HNRNPD: variants seen among roughly 807,000 people sequenced by gnomAD.
The protein encoded by HNRNPD is heterogeneous nuclear ribonucleoprotein D0.
A neutral mutation model predicts 47.9 loss-of-function variants in HNRNPD; 3 were observed. That is an observed-to-expected ratio of 0.06 (90% confidence interval 0.03 to 0.16). The LOEUF (loss-of-function observed/expected upper bound fraction) is 0.16, where lower values mean the gene tolerates loss of function less well. Among genes scored for constraint, HNRNPD ranks in the 10% least tolerant of loss-of-function variants. The pLI is 1.00. For missense variants in HNRNPD, 287 were observed against 454.2 expected (o/e 0.63, Z 3.35); for synonymous variants, 171 against 165.1 (o/e 1.04, Z -0.28).
intron 2 of HNRNPD, among the ~76,000 whole-genome samples, chr4:82,367,602 G>A (rs944133044): frequency 1.3e-5 from 2 of 152,162 alleles, no homozygotes; most frequent in African/African-American, 4.8e-5. Context: ...CTTCCTGGCT[G>A]TGTGGGCTCT....
intron 2 of HNRNPD, among the ~76,000 whole-genome samples, chr4:82,370,979 T>TACAC (rs72155104): frequency 0.085 from 6,665 of 78,186 alleles, 357 homozygotes; most frequent in African/African-American, 0.18. Context: ...ATGGTATATA[T>TACAC]ATACACACAC....
At chr4:82,373,292 G>A in intron 1 of HNRNPD, 154 bp downstream of exon 1, 3 of 1,022,754 alleles carry the variant, frequency 2.9e-6, no homozygotes, top group Admixed American at 2.5e-5. Flanking sequence ...GAAGGTCCGG[G>A]GAACCCAACA....
In HNRNPD at chr4:82,365,809, C is replaced by T. The variant is rs143787702; in HGVS notation, c.290+5719G>A. On this transcript the variant is annotated intron_variant, in intron 2 of 8. Coordinates refer to ENST00000313899, the MANE Select transcript of HNRNPD (RefSeq NM_031370.3). Reference sequence around the variant, plus strand: ...TTTTTTTTTTTTGTAGAGACAGGATCTCATCATGTTGCCCAGGCTGGTCTG... The same window carrying T: ...TTTTTTTTTTTTGTAGAGACAGGATTTCATCATGTTGCCCAGGCTGGTCTG... Among the ~76,000 whole-genome samples, 1,163 of 118,978 alleles carry T rather than the reference C, an allele frequency of 9.8e-3. 22 individuals are homozygous for T. The highest frequency in any genetic ancestry group is 0.038 in the African/African-American group (1,095 of 29,166). 78.1% of individuals were successfully genotyped at this position (118,978 alleles called of 152,430 possible). A position where few individuals can be genotyped will look rare whatever the true frequency, so the allele number is the denominator to read the frequency against.
At chr4:82,363,010 G>A (rs1049175304) in intron 2 of HNRNPD, among the ~76,000 whole-genome samples, 1 of 150,410 alleles carries the variant, frequency 6.6e-6, no homozygotes, top group Admixed American at 6.6e-5. Context: ...TCAAACTGAT[G>A]GCATAATGAT....
At chr4:82,369,755 G>T (rs548984893) in intron 2 of HNRNPD, among the ~76,000 whole-genome samples, 1 of 151,880 alleles carries the variant, frequency 6.6e-6, no homozygotes, top group East Asian at 1.9e-4. Context: ...TTAACGTCTG[G>T]AACAGGATAG....
intron 2 of HNRNPD, among the ~76,000 whole-genome samples, chr4:82,363,737 G>A (rs374598790): frequency 1.6e-4 from 25 of 152,310 alleles, no homozygotes; most frequent in African/African-American, 6.0e-4. Context: ...CCCCAAGGCT[G>A]AATATGGTAT....
intron 8 of HNRNPD, chr4:82,354,826 G>C (rs1396250504): frequency 6.5e-6 from 1 of 153,146 alleles, no homozygotes; most frequent in African/African-American, 2.4e-5. Context: ...AAAGAAATAA[G>C]TGAAGGCAAA....
At chr4:82,370,228 A>C (rs1719969204) in intron 2 of HNRNPD, among the ~76,000 whole-genome samples, 1 of 152,204 alleles carries the variant, frequency 6.6e-6, no homozygotes, top group African/African-American at 2.4e-5. Flanking sequence ...TATGAATATA[A>C]ACATTTCTCC....
At chr4:82,369,515 T>C (rs764507899) in intron 2 of HNRNPD, among the ~76,000 whole-genome samples, 2 of 152,222 alleles carry the variant, frequency 1.3e-5, no homozygotes, top group Non-Finnish European at 2.9e-5. Flanking sequence ...AATCACTTTA[T>C]TCTCAGATTT....
intron 2 of HNRNPD, among the ~76,000 whole-genome samples, chr4:82,369,406 C>CG (rs1719920343): frequency 1.3e-5 from 2 of 152,168 alleles, no homozygotes; most frequent in Non-Finnish European, 2.9e-5. Context: ...GTGTAACAGG[C>CG]ATGCCTTCCT....
At chr4:82,359,902 A>G (rs570095624) in intron 2 of HNRNPD, among the ~76,000 whole-genome samples, 54 of 152,300 alleles carry the variant, frequency 3.5e-4, no homozygotes, top group African/African-American at 1.3e-3. Context: ...ACCCAAAGTA[A>G]AAATACTGTA....
chr4:82,364,413 C>T (rs1719640383), intron 2 of HNRNPD, among the ~76,000 whole-genome samples: 2 of 152,186 alleles, frequency 1.3e-5, no homozygotes, highest in Admixed American at 1.3e-4. Context: ...GTCTGACACA[C>T]ATCCTAAATG....
intron 7 of HNRNPD, chr4:82,355,707 C>A: frequency 2.8e-6 from 1 of 360,374 alleles, no homozygotes; most frequent in Non-Finnish European, 5.0e-6. Flanking sequence ...CAACCACCAG[C>A]AAAAAATATC....
intron 2 of HNRNPD, among the ~76,000 whole-genome samples, chr4:82,360,687 C>CTG (rs1441359205): frequency 6.6e-6 from 1 of 152,080 alleles, no homozygotes; most frequent in Non-Finnish European, 1.5e-5. Context: ...TGGGATGTGA[C>CTG]ACTAACTCAG....
At chr4:82,368,397 T>TG (rs921451850) in intron 2 of HNRNPD, among the ~76,000 whole-genome samples, 41 of 152,242 alleles carry the variant, frequency 2.7e-4, no homozygotes, top group Non-Finnish European at 4.9e-4. Flanking sequence ...AAGGGTCACA[T>TG]GGCTTAAGGG....
Position 82,373,293 on chromosome 4 carries a change from G to T in HNRNPD, c.233+153C>A, listed in dbSNP as rs75024552. On this transcript the variant is annotated intron_variant, in intron 1 of 8. Transcript: ENST00000313899. Reference sequence around the variant, plus strand: ...AGGAAGAAGGAAATGAAGGTCCGGGGAACCCAACATAGAAAAAGGGAGACC... The same window carrying T: ...AGGAAGAAGGAAATGAAGGTCCGGGTAACCCAACATAGAAAAAGGGAGACC... 3.6e-3 allele frequency: 3,743 copies of T among 1,027,728 alleles called. 75 individuals are homozygous for T. In the African/African-American group the frequency reaches 0.052, roughly 14 times the overall value. 63.7% of individuals were successfully genotyped at this position (1,027,728 alleles called of 1,614,324 possible).
At chr4:82,370,709 G>C (rs915198607) in intron 2 of HNRNPD, among the ~76,000 whole-genome samples, 1 of 152,162 alleles carries the variant, frequency 6.6e-6, no homozygotes, top group Non-Finnish European at 1.5e-5. Context: ...CTGCCTGCAA[G>C]TTAGTGGCCT....
chr4:82,359,364 C>T, intron 3 of HNRNPD, 107 bp downstream of exon 3: 1 of 672,940 alleles, frequency 1.5e-6, no homozygotes, highest in East Asian at 3.1e-5. Context: ...ATTCTTCCTT[C>T]CTATACTATC....
intron 4 of HNRNPD, chr4:82,358,330 T>C (rs969545766): frequency 9.1e-6 from 2 of 219,226 alleles, no homozygotes; most frequent in Non-Finnish European, 1.8e-5. Flanking sequence ...CTACACCCTA[T>C]TCTTAATTCC....
Sources: gnomAD v4.1 joint callset for allele counts (sites outside exome capture counted in the v4.1 genomes callset) on GRCh38, gnomAD v4.1.1 for gene constraint, MANE v1.5 for transcripts, NCBI Gene and HGNC (gene_info 2026-07-23, HGNC 2026-07-21) for gene names.